Variants in SNTG1 observed in about 807,000 individuals in gnomAD.
SNTG1 encodes gamma-1-syntrophin.
A neutral mutation model predicts 74.7 loss-of-function variants in SNTG1; 39 were observed. The ratio of observed to expected loss-of-function variants is 0.52; its 90% CI spans 0.40 to 0.68. SNTG1 has a LOEUF of 0.68. Among genes scored for constraint, SNTG1 ranks in the 30% least tolerant of loss-of-function variants. The pLI is 0.00. For synonymous variants in SNTG1, 254 were observed against 217.1 expected (o/e 1.17, Z -1.49); for missense variants, 685 against 609.5 (o/e 1.12, Z -1.30).
chr8:50,579,887 G>C (rs2094599182), intron 12 of SNTG1, among the ~76,000 whole-genome samples: 1 of 152,204 alleles, frequency 6.6e-6, no homozygotes, highest in African/African-American at 2.4e-5. Context: ...CAGTGAAGAA[G>C]AGAAATGTGG....
chr8:50,514,077 T>A (rs2094110718), intron 9 of SNTG1, among the ~76,000 whole-genome samples: 1 of 152,236 alleles, frequency 6.6e-6, no homozygotes, highest in Non-Finnish European at 1.5e-5. Context: ...ATTTCACTTT[T>A]AATTTTTATT....
chr8:50,411,344 A>T (rs1441037470), intron 4 of SNTG1, among the ~76,000 whole-genome samples: 1 of 151,614 alleles, frequency 6.6e-6, no homozygotes, highest in Middle Eastern at 3.4e-3. Flanking sequence ...GCTACTCAGG[A>T]GGCTGAGGCA....
chr8:50,655,212 C>T (rs2095172542), intron 13 of SNTG1, among the ~76,000 whole-genome samples: 1 of 152,106 alleles, frequency 6.6e-6, no homozygotes. Context: ...GAAGTGTAAG[C>T]TATAATATCC....
Position 49,971,935 on chromosome 8 carries a change from T to A in SNTG1, c.-103+59704T>A, listed in dbSNP as rs538932573. Among the ~76,000 whole-genome samples the A allele has an allele frequency of 9.2e-5, 14 of 152,226 alleles. No homozygotes were observed. In the South Asian group the frequency reaches 1.9e-3, roughly 20 times the overall value. The stretch of plus-strand genomic sequence containing the variant: ...GAATCAATATCATGAAAATGGCCAT[T>A]CTGCCCAGGGTAATTTATAGATTCA... On this transcript the variant is annotated intron_variant, in intron 1 of 18. Coordinates refer to ENST00000642720, the MANE Select transcript of SNTG1 (RefSeq NM_018967.5).
intron 1 of SNTG1, among the ~76,000 whole-genome samples, chr8:49,988,378 G>A (rs545194329): frequency 6.6e-6 from 1 of 152,296 alleles, no homozygotes; most frequent in South Asian, 2.1e-4. Flanking sequence ...CAATATGTTA[G>A]AAGAATTAGT....
chr8:50,545,562 TG>T (rs1172074773), intron 11 of SNTG1, among the ~76,000 whole-genome samples: 2 of 150,310 alleles, frequency 1.3e-5, no homozygotes, highest in African/African-American at 4.9e-5. Flanking sequence ...GCATACTTTA[TG>T]GCTGAAAGTA....
At chr8:50,178,177 T>C (rs2083068882) in intron 2 of SNTG1, among the ~76,000 whole-genome samples, 1 of 152,216 alleles carries the variant, frequency 6.6e-6, no homozygotes, top group Non-Finnish European at 1.5e-5. Flanking sequence ...TTCAAATCCA[T>C]TGGTAATGCT....
At chr8:50,181,772 C>A (rs1343130517) in intron 2 of SNTG1, among the ~76,000 whole-genome samples, 1 of 152,018 alleles carries the variant, frequency 6.6e-6, no homozygotes, top group Non-Finnish European at 1.5e-5. Context: ...AAGTTATATG[C>A]TTTTGAAATG....
chr8:50,384,949 G>T (rs948170195), intron 2 of SNTG1, among the ~76,000 whole-genome samples: 7 of 152,098 alleles, frequency 4.6e-5, no homozygotes, highest in African/African-American at 1.4e-4. Context: ...GTGTCCCATG[G>T]TTAATCATTC....
intron 1 of SNTG1, among the ~76,000 whole-genome samples, chr8:50,168,709 T>C (rs534400470): frequency 6.6e-6 from 1 of 152,192 alleles, no homozygotes; most frequent in Non-Finnish European, 1.5e-5. Context: ...TATTTTCCTT[T>C]AAGAGATAAT....
intron 2 of SNTG1, among the ~76,000 whole-genome samples, chr8:50,371,239 A>G (rs921335822): frequency 1.3e-5 from 2 of 152,206 alleles, no homozygotes; most frequent in African/African-American, 2.4e-5. Context: ...TGAGCTGCCC[A>G]TCATTAACTG....
intron 15 of SNTG1, among the ~76,000 whole-genome samples, chr8:50,688,924 G>A (rs896556571): frequency 1.3e-5 from 2 of 151,976 alleles, no homozygotes; most frequent in African/African-American, 4.8e-5. Flanking sequence ...GTATCCTCTT[G>A]TATTTCATTG....
intron 11 of SNTG1, among the ~76,000 whole-genome samples, chr8:50,539,338 G>A (rs1415528307): frequency 2.0e-5 from 3 of 152,072 alleles, no homozygotes; most frequent in African/African-American, 4.8e-5. Context: ...TTTTTAGCAG[G>A]CAATCTCTTT....
intron 18 of SNTG1, among the ~76,000 whole-genome samples, chr8:50,764,964 A>T (rs1277996452): frequency 6.6e-6 from 1 of 152,038 alleles, no homozygotes; most frequent in Non-Finnish European, 1.5e-5. Flanking sequence ...AAAGAAGGAC[A>T]TTATATCATA....
chr8:50,496,368 G>C (rs1463855712), intron 8 of SNTG1, among the ~76,000 whole-genome samples: 1 of 152,132 alleles, frequency 6.6e-6, no homozygotes, highest in Admixed American at 6.6e-5. Context: ...AGGTGTGTGC[G>C]TGTTTCCTGA....
chr8:50,541,547 A>G (rs990214580), intron 11 of SNTG1, among the ~76,000 whole-genome samples: 1 of 152,118 alleles, frequency 6.6e-6, no homozygotes, highest in Non-Finnish European at 1.5e-5. Flanking sequence ...TGCATAATAG[A>G]TGCATAGTTT....
chr8:50,386,895 A>T (rs1323034397), intron 2 of SNTG1, among the ~76,000 whole-genome samples: 1 of 152,182 alleles, frequency 6.6e-6, no homozygotes, highest in Non-Finnish European at 1.5e-5. Context: ...GTGGACGAAC[A>T]TTCAAACCTT....
chr8:50,491,886 G>C (rs140959328), intron 8 of SNTG1, among the ~76,000 whole-genome samples: 6,569 of 136,646 alleles, frequency 0.048, 157 homozygotes, highest in Middle Eastern at 0.13. Flanking sequence ...TAGCTCCCCC[G>C]CCCCCCTACC....
intron 2 of SNTG1, among the ~76,000 whole-genome samples, chr8:50,275,598 A>G (rs1431374789): frequency 1.3e-5 from 2 of 152,116 alleles, no homozygotes; most frequent in African/African-American, 2.4e-5. Flanking sequence ...ATTTTTCTCT[A>G]TTCTTCACCA....
Sources: allele counts gnomAD v4.1 joint callset (sites outside exome capture counted in the v4.1 genomes callset), GRCh38; gene constraint gnomAD v4.1.1; transcripts MANE v1.5; gene names NCBI Gene and HGNC (gene_info 2026-07-23, HGNC 2026-07-21).